The following RABGAP1L variants were observed in gnomAD, a reference collection of about 807,000 sequenced individuals.
RABGAP1L encodes rab GTPase-activating protein 1-like.
Under a neutral mutation model 137.7 loss-of-function variants are expected in RABGAP1L, and 63 were observed. The ratio of observed to expected loss-of-function variants is 0.46; its 90% CI spans 0.37 to 0.56. RABGAP1L has a LOEUF of 0.56. Ranked by LOEUF, RABGAP1L falls within the 20% of genes least tolerant of loss-of-function variation. The probability of loss-of-function intolerance (pLI) is 0.00; values close to 1 mark genes in which losing one functional copy is unlikely to be tolerated. For missense variants in RABGAP1L, 1,095 were observed against 1,244.0 expected (o/e 0.88, Z 1.80); for synonymous variants, 431 against 433.7 (o/e 0.99, Z 0.08).
intron 4 of RABGAP1L, among the ~76,000 whole-genome samples, chr1:174,237,921 A>T (rs1186923959): frequency 1.3e-5 from 2 of 150,604 alleles, no homozygotes; most frequent in East Asian, 3.9e-4. Context: ...TCAGACGTAG[A>T]TTTGGTCTTT....
At chr1:174,946,813 A>G (rs1666838822) in intron 19 of RABGAP1L, among the ~76,000 whole-genome samples, 1 of 148,536 alleles carries the variant, frequency 6.7e-6, no homozygotes. Flanking sequence ...AGGCAGGAGA[A>G]TCGCTTGAAC....
chr1:174,327,980 C>CATATATATATATATATATAT (rs1171437559), intron 11 of RABGAP1L, among the ~76,000 whole-genome samples: 8 of 105,940 alleles, frequency 7.6e-5, no homozygotes, highest in African/African-American at 3.3e-4. Flanking sequence ...TATATATATA[C>CATATATATATATATATATAT]ACACACATAT....
chr1:174,350,251 A>G (rs1229269738), intron 11 of RABGAP1L, among the ~76,000 whole-genome samples: 9 of 125,054 alleles, frequency 7.2e-5, no homozygotes, highest in Admixed American at 2.2e-4. Flanking sequence ...CTCACTTCCC[A>G]GATGGGGTGG....
At chr1:174,327,956 A>AATATATATAT (rs1180255952) in intron 11 of RABGAP1L, among the ~76,000 whole-genome samples, 1 of 97,950 alleles carries the variant, frequency 1.0e-5, no homozygotes, top group East Asian at 3.3e-4. Context: ...AACAGTTGTA[A>AATATATATAT]ATATATATAT....
At chr1:174,851,029 G>A (rs758175445) in intron 19 of RABGAP1L, among the ~76,000 whole-genome samples, 1 of 152,320 alleles carries the variant, frequency 6.6e-6, no homozygotes, top group South Asian at 2.1e-4. Context: ...ACCTGAAAGA[G>A]GTTGAGAGTG....
Position 174,272,440 on chromosome 1 carries a change from G to C in RABGAP1L, c.1013G>C (p.Gly338Ala), listed in dbSNP as rs1185992563. Residue 338 changes from glycine (G) to alanine (A), a missense_variant, in exon 8 of 26, where the codon GGT becomes GCT. By Grantham distance (60) the Gly-to-Ala change is moderately conservative. This residue lies in a region of RABGAP1L where 112 missense variants were observed against 157.3 expected (regional missense o/e 0.71). Coordinates refer to ENST00000681986, the MANE Select transcript of RABGAP1L (RefSeq NM_001366446.1). The stretch of plus-strand genomic sequence containing the variant: ...TGTTTTGGAATGTTATTAAGCCCAG[G>C]TCGAAACGTGAAGAACAGTGACATG... ...ERCFGMLLSP[G>A]RNVKNSDMHL... 2 of 1,601,782 alleles carry C rather than the reference G, an allele frequency of 1.2e-6. No individual in the cohort carries two copies. The highest frequency in any genetic ancestry group is 1.7e-6 in the Non-Finnish European group (2 of 1,175,436).
chr1:174,986,681 A>G (rs1373927466), intron 24 of RABGAP1L, among the ~76,000 whole-genome samples: 1 of 152,220 alleles, frequency 6.6e-6, no homozygotes, highest in Non-Finnish European at 1.5e-5. Context: ...AAGGACCTTT[A>G]TGACCTGGCC....
chr1:174,878,893 T>G (rs1371709158), intron 19 of RABGAP1L, among the ~76,000 whole-genome samples: 1 of 150,756 alleles, frequency 6.6e-6, no homozygotes, highest in Non-Finnish European at 1.5e-5. Flanking sequence ...TTAATAATGA[T>G]ATTAAGAGAA....
At position 174,611,954 on chromosome 1, in the gene RABGAP1L, G is replaced by C. The variant is rs990412424; in HGVS notation, c.1711-25421G>C. The stretch of plus-strand genomic sequence containing the variant: ...TTGCTTATCAGCTTAAGGAGATTTT[G>C]GGCTGAGACATTGGGGTTTCTAGAT... On this transcript the variant is annotated intron_variant, in intron 13 of 25. Transcript: ENST00000681986. Among the ~76,000 whole-genome samples, 10 of 152,280 alleles carry C rather than the reference G, an allele frequency of 6.6e-5. No individual in the cohort carries two copies. In the East Asian group the frequency reaches 1.3e-3, roughly 21 times the overall value.
chr1:174,319,193 G>T (rs1679709577), intron 11 of RABGAP1L, among the ~76,000 whole-genome samples: 1 of 151,922 alleles, frequency 6.6e-6, no homozygotes, highest in Non-Finnish European at 1.5e-5. Flanking sequence ...GACAGATCTG[G>T]TGACATGATA....
intron 13 of RABGAP1L, among the ~76,000 whole-genome samples, chr1:174,454,059 T>C (rs958806191): frequency 6.6e-6 from 1 of 152,046 alleles, no homozygotes; most frequent in Non-Finnish European, 1.5e-5. Context: ...AGTCAGGAGA[T>C]CAAAGCCATC....
intron 9 of RABGAP1L, among the ~76,000 whole-genome samples, chr1:174,277,011 T>C (rs1209583749): frequency 6.6e-6 from 1 of 152,144 alleles, no homozygotes; most frequent in Non-Finnish European, 1.5e-5. Context: ...TTTTATATTA[T>C]TTAGTTTATA....
At chr1:174,287,391 A>T (rs942332402) in intron 10 of RABGAP1L, among the ~76,000 whole-genome samples, 1 of 152,094 alleles carries the variant, frequency 6.6e-6, no homozygotes, top group African/African-American at 2.4e-5. Flanking sequence ...ATCTTTTTCC[A>T]TCCCTTCATT....
chr1:174,524,375 G>A (rs1038374454), intron 13 of RABGAP1L, among the ~76,000 whole-genome samples: 1 of 151,658 alleles, frequency 6.6e-6, no homozygotes, highest in Non-Finnish European at 1.5e-5. Context: ...ACTCTTTCTG[G>A]TTTCGATTTG....
chr1:174,475,804 G>A (rs1002887058), intron 13 of RABGAP1L, among the ~76,000 whole-genome samples: 4 of 136,844 alleles, frequency 2.9e-5, no homozygotes, highest in Non-Finnish European at 6.2e-5. Flanking sequence ...AAAAAGGTCA[G>A]ATCTTTGGCC....
chr1:174,566,123 C>G (rs1667566752), intron 13 of RABGAP1L, among the ~76,000 whole-genome samples: 1 of 151,912 alleles, frequency 6.6e-6, no homozygotes. Flanking sequence ...AGTCTTTTTT[C>G]TGTGGTGTCA....
intron 13 of RABGAP1L, among the ~76,000 whole-genome samples, chr1:174,540,987 T>C (rs892889531): frequency 2.0e-5 from 3 of 152,198 alleles, no homozygotes; most frequent in African/African-American, 7.2e-5. Context: ...TGGTTTGTAG[T>C]TCTCCTTGAA....
chr1:174,161,875 C>T (rs34623288), intron 1 of RABGAP1L, among the ~76,000 whole-genome samples: 2,245 of 152,254 alleles, frequency 0.015, 21 homozygotes, highest in Non-Finnish European at 0.022. Context: ...ACCACAGGCA[C>T]ATGCCACCAA....
intron 13 of RABGAP1L, among the ~76,000 whole-genome samples, chr1:174,400,218 T>C (rs1295136399): frequency 6.6e-6 from 1 of 152,164 alleles, no homozygotes; most frequent in African/African-American, 2.4e-5. Context: ...TTACTTACTC[T>C]CTATCTTTTA....
Sources: allele counts gnomAD v4.1 joint callset (sites outside exome capture counted in the v4.1 genomes callset), GRCh38; gene constraint gnomAD v4.1.1; regional missense constraint gnomAD v4.1.1; transcripts MANE v1.5; gene names NCBI Gene and HGNC (gene_info 2026-07-23, HGNC 2026-07-21).